Variants in RFX3 observed in about 807,000 individuals in gnomAD.
The protein encoded by RFX3 is regulatory factor X3.
In RFX3, 14 loss-of-function variants were observed where a neutral mutation model predicts 98.6. That is an observed-to-expected ratio of 0.14 (90% CI 0.09 to 0.22). The LOEUF is 0.22. RFX3 is among the 10% of genes least tolerant of loss of function. The probability of loss-of-function intolerance (pLI) is 1.00; values close to 1 mark genes in which losing one functional copy is unlikely to be tolerated. For synonymous variants in RFX3, 383 were observed against 328.4 expected (o/e 1.17, Z -1.80); for missense variants, 639 against 926.9 (o/e 0.69, Z 4.03).
At chr9:3,280,058 G>GT (rs1322946346) in intron 7 of RFX3, among the ~76,000 whole-genome samples, 4 of 151,790 alleles carry the variant, frequency 2.6e-5, no homozygotes, top group Non-Finnish European at 5.9e-5. Flanking sequence ...GGAAATGAGT[G>GT]TTTTTTCATT....
At chr9:3,339,821 T>C (rs1473286104) in intron 3 of RFX3, among the ~76,000 whole-genome samples, 1 of 152,048 alleles carries the variant, frequency 6.6e-6, no homozygotes, top group Non-Finnish European at 1.5e-5. Flanking sequence ...AAAATGGCCA[T>C]ACTGCCCAAG....
chr9:3,305,567 A>T (rs898883687), intron 4 of RFX3, among the ~76,000 whole-genome samples: 2 of 151,942 alleles, frequency 1.3e-5, no homozygotes, highest in African/African-American at 4.8e-5. Context: ...AGAAATGGGG[A>T]AGAAGAGTAA....
chr9:3,371,401 C>T (rs1038947207), intron 2 of RFX3, among the ~76,000 whole-genome samples: 16 of 152,014 alleles, frequency 1.1e-4, no homozygotes, highest in Admixed American at 4.6e-4. Context: ...TAAGTGTTTC[C>T]GCTTACGCAG....
At chr9:3,253,493 C>A (rs1200873662) in intron 14 of RFX3, among the ~76,000 whole-genome samples, 3 of 152,098 alleles carry the variant, frequency 2.0e-5, no homozygotes, top group Non-Finnish European at 4.4e-5. Context: ...ATCCAAAACA[C>A]ACAAGCTGAG....
intron 13 of RFX3, among the ~76,000 whole-genome samples, 172 bp downstream of exon 13, chr9:3,262,763 C>CT (rs1586788955): frequency 6.6e-6 from 1 of 152,292 alleles, no homozygotes; most frequent in East Asian, 1.9e-4. Flanking sequence ...TAACCACAAA[C>CT]ATGGGAGCAC....
At chr9:3,385,615 G>A (rs1839625935) in intron 2 of RFX3, among the ~76,000 whole-genome samples, 2 of 150,690 alleles carry the variant, frequency 1.3e-5, no homozygotes, top group South Asian at 4.2e-4. Flanking sequence ...GGCTGAGGCA[G>A]GAGAATCACT....
chr9:3,493,666 A>G (rs940729083), intron 1 of RFX3, among the ~76,000 whole-genome samples: 3 of 141,952 alleles, frequency 2.1e-5, no homozygotes, highest in African/African-American at 5.3e-5. Context: ...CCTGGGCGAC[A>G]AAGCGAGACT....
At chr9:3,238,894 G>A (rs1456438802) in intron 15 of RFX3, among the ~76,000 whole-genome samples, 1 of 151,854 alleles carries the variant, frequency 6.6e-6, no homozygotes, top group African/African-American at 2.4e-5. Flanking sequence ...TCGGGAGGCT[G>A]AGGCAGGAGA....
At chr9:3,465,458 C>CTTTTTT (rs34093115) in intron 1 of RFX3, among the ~76,000 whole-genome samples, 24 of 129,686 alleles carry the variant, frequency 1.9e-4, no homozygotes, top group Non-Finnish European at 2.5e-4. Flanking sequence ...GCCCAGGTAA[C>CTTTTTT]TTTTTTTTTT....
At chr9:3,501,187 T>C (rs1470696053) in intron 1 of RFX3, among the ~76,000 whole-genome samples, 1 of 152,186 alleles carries the variant, frequency 6.6e-6, no homozygotes, top group South Asian at 2.1e-4. Context: ...AACACCCTAT[T>C]ACATTTGCTT....
chr9:3,495,446 A>C (rs1215355723), intron 1 of RFX3, among the ~76,000 whole-genome samples: 1 of 152,102 alleles, frequency 6.6e-6, no homozygotes, highest in Admixed American at 6.6e-5. Context: ...AATATATTTT[A>C]ACTCTGAAAT....
Position 3,309,386 on chromosome 9 carries a change from G to C in RFX3, c.475-7766C>G, listed in dbSNP as rs376387028. Among the ~76,000 whole-genome samples, 65 of 152,194 alleles carry C rather than the reference G, an allele frequency of 4.3e-4. No homozygotes were observed. The South Asian group carries it at 0.013, about 31-fold the overall frequency. On this transcript the variant is annotated intron_variant, in intron 4 of 16. Transcript: ENST00000617270. ...GAGACAGAGACAGTGCAATAAATCC[G>C]TGGCCTAAAACTCAGGCTGAAAACT...
At chr9:3,492,664 C>G (rs1214026117) in intron 1 of RFX3, among the ~76,000 whole-genome samples, 1 of 152,104 alleles carries the variant, frequency 6.6e-6, no homozygotes, top group African/African-American at 2.4e-5. Flanking sequence ...CATGCTATGG[C>G]AAAGAGCCCA....
chr9:3,284,207 C>T (rs78056905), intron 7 of RFX3, among the ~76,000 whole-genome samples: 8,748 of 151,772 alleles, frequency 0.058, 824 homozygotes, highest in African/African-American at 0.2. Context: ...GCTTTTACTA[C>T]TGGAATTTGG....
At chr9:3,250,741 T>C (rs1193410363) in intron 14 of RFX3, among the ~76,000 whole-genome samples, 3 of 152,026 alleles carry the variant, frequency 2.0e-5, no homozygotes, top group Non-Finnish European at 2.9e-5. Flanking sequence ...CATCCAGATA[T>C]AAAATTTTAT....
chr9:3,524,642 C>T (rs1819035361), intron 1 of RFX3: 2 of 982,872 alleles, frequency 2.0e-6, no homozygotes, highest in Non-Finnish European at 2.4e-6. Flanking sequence ...GTGTCCCTTC[C>T]CTGTTCATCA....
intron 4 of RFX3, among the ~76,000 whole-genome samples, chr9:3,308,840 T>A (rs911081432): frequency 6.6e-6 from 1 of 152,112 alleles, no homozygotes; most frequent in Non-Finnish European, 1.5e-5. Flanking sequence ...GAGAAAATAT[T>A]TGGAGCACCA....
intron 1 of RFX3, among the ~76,000 whole-genome samples, chr9:3,481,194 T>A (rs7858455): frequency 0.019 from 2,931 of 152,222 alleles, 113 homozygotes; most frequent in African/African-American, 0.066. Flanking sequence ...TTGGCTACTT[T>A]AAGTAACCTG....
chr9:3,249,187 T>C (rs1009618338), intron 14 of RFX3, among the ~76,000 whole-genome samples: 2 of 152,166 alleles, frequency 1.3e-5, no homozygotes, highest in Non-Finnish European at 2.9e-5. Flanking sequence ...TAAAGAATTA[T>C]AAGACATCAG....
Sources: gnomAD v4.1 joint callset for allele counts (sites outside exome capture counted in the v4.1 genomes callset) on GRCh38, gnomAD v4.1.1 for gene constraint, MANE v1.5 for transcripts, NCBI Gene and HGNC (gene_info 2026-07-23, HGNC 2026-07-21) for gene names.